Variants in PDE3B observed in about 807,000 individuals in gnomAD.
The protein encoded by PDE3B is phosphodiesterase 3B.
In PDE3B, 66 loss-of-function variants were observed where a neutral mutation model predicts 116.8. The ratio of observed to expected loss-of-function variants is 0.56; its 90% CI spans 0.46 to 0.69. The LOEUF (loss-of-function observed/expected upper bound fraction) is 0.69. PDE3B is among the 30% of genes least tolerant of loss of function. PDE3B has a pLI of 0.00. For missense variants in PDE3B, 1,384 were observed against 1,368.1 expected, an observed-to-expected ratio of 1.01 and a Z score of -0.18; for synonymous variants, 595 against 533.6, an observed-to-expected ratio of 1.12 and a Z score of -1.59.
rs560691021 is a variant in PDE3B at position 14,789,119 on chromosome 11, A to G, written c.1292A>G (p.Asn431Ser). The change falls in exon 4 of 16, where the codon AAT becomes AGT. Residue 431 changes from asparagine (N) to serine (S), a missense_variant. Transcript: ENST00000282096. ...ATTATTCAACAGGGACTAAATAGGAATAGTTTGCCAACTCCACAGCTGAGG... is the reference window on the plus strand; with the variant it reads ...ATTATTCAACAGGGACTAAATAGGAGTAGTTTGCCAACTCCACAGCTGAGG... ...DRKLNKGLNR[N>S]SLPTPQLRRS... 2 of 1,609,054 alleles carry G rather than the reference A, an allele frequency of 1.2e-6. No individual in the cohort carries two copies. Among genetic ancestry groups the G allele is most frequent in the South Asian group, 1.1e-5 (1 of 90,426 alleles).
At chr11:14,855,983 G>T (rs1468417557) in intron 12 of PDE3B, among the ~76,000 whole-genome samples, 1 of 152,182 alleles carries the variant, frequency 6.6e-6, no homozygotes, top group East Asian at 1.9e-4. Flanking sequence ...AGAAATTTTT[G>T]AACTGATACG....
chr11:14,757,384 T>G (rs868465098), intron 1 of PDE3B, among the ~76,000 whole-genome samples: 1 of 150,404 alleles, frequency 6.6e-6, no homozygotes, highest in African/African-American at 2.5e-5. Flanking sequence ...CCACACTGAC[T>G]TCCACAATGG....
At chr11:14,894,451 C>G in the PDE3B span, among the ~76,000 whole-genome samples, 1 of 152,204 alleles carries the variant, frequency 6.6e-6, no homozygotes, top group Non-Finnish European at 1.5e-5. Context: ...AGCTGTTATA[C>G]AGTACAGGTA....
chr11:14,661,631 A>C (rs993164687), intron 1 of PDE3B, among the ~76,000 whole-genome samples: 2 of 152,242 alleles, frequency 1.3e-5, no homozygotes, highest in African/African-American at 4.8e-5. Context: ...GACGGGCTTA[A>C]AAAACGGCGC....
intron 1 of PDE3B, among the ~76,000 whole-genome samples, chr11:14,749,919 T>TATATATATA (rs1391477381): frequency 5.8e-5 from 8 of 138,716 alleles, no homozygotes; most frequent in East Asian, 4.1e-4. Flanking sequence ...TATATGTATC[T>TATATATATA]TTGTGGAAGC....
intron 15 of PDE3B, among the ~76,000 whole-genome samples, chr11:14,868,109 AAC>A: frequency 6.6e-6 from 1 of 152,334 alleles, no homozygotes; most frequent in Non-Finnish European, 1.5e-5. Flanking sequence ...GTTCAGATTC[AAC>A]AGTCATGTTT....
intron 2 of PDE3B, among the ~76,000 whole-genome samples, chr11:14,783,889 C>T (rs1399169182): frequency 6.6e-6 from 1 of 152,196 alleles, no homozygotes; most frequent in Non-Finnish European, 1.5e-5. Flanking sequence ...CCAACCAGTA[C>T]CGGTCTGTGG....
At chr11:14,845,108 C>A (rs1359759342) in intron 12 of PDE3B, among the ~76,000 whole-genome samples, 1 of 151,948 alleles carries the variant, frequency 6.6e-6, no homozygotes, top group Non-Finnish European at 1.5e-5. Context: ...CAGACTGACA[C>A]CTCACACGGC....
chr11:14,894,647 A>G, the PDE3B span, among the ~76,000 whole-genome samples: 1 of 152,158 alleles, frequency 6.6e-6, no homozygotes, highest in Non-Finnish European at 1.5e-5. Context: ...GCACTGATGA[A>G]ATGTTCCCCA....
chr11:14,830,749 A>G lies in PDE3B; in HGVS notation c.1859A>G (p.Gln620Arg). The part of the protein sequence containing the change: ...SKESFKLMET[Q>R]QEEETEKKDS... ...GAATCATTCAAACTTATGGAAACTCAACAAGAAGAGGAAACAGAGAAGAAA... is the reference window on the plus strand; with the variant it reads ...GAATCATTCAAACTTATGGAAACTCGACAAGAAGAGGAAACAGAGAAGAAA... Residue 620 changes from glutamine (Q) to arginine (R), a missense_variant, in exon 8 of 16, where the codon CAA becomes CGA. This residue lies in a region of PDE3B where 956 missense variants were observed against 806.8 expected (regional missense o/e 1.18). Coordinates refer to ENST00000282096, the MANE Select transcript of PDE3B (RefSeq NM_000922.4). The G allele has an allele frequency of 6.6e-7, 1 of 1,514,904 alleles. No homozygotes were observed. The highest frequency in any genetic ancestry group is 1.3e-5 in the South Asian group (1 of 74,898). The allele number at this position is 1,514,904 out of a possible 1,614,324, so 93.8% of individuals were successfully genotyped here. A position where few individuals can be genotyped will look rare whatever the true frequency, so the allele number is the denominator to read the frequency against.
chr11:14,751,850 A>C (rs1449729558), intron 1 of PDE3B, among the ~76,000 whole-genome samples: 1 of 152,118 alleles, frequency 6.6e-6, no homozygotes, highest in Non-Finnish European at 1.5e-5. Flanking sequence ...CCATCCCTTA[A>C]CCTGGGAAAG....
At chr11:14,881,912 T>C in the PDE3B span, among the ~76,000 whole-genome samples, 1 of 152,124 alleles carries the variant, frequency 6.6e-6, no homozygotes, top group East Asian at 1.9e-4. Flanking sequence ...CAATACAAAA[T>C]GGACTAACAC....
chr11:14,698,208 CTTCCA>C (rs904598222), intron 1 of PDE3B, among the ~76,000 whole-genome samples: 2 of 151,546 alleles, frequency 1.3e-5, no homozygotes, highest in African/African-American at 4.8e-5. Context: ...AGGAAGTTCC[CTTCCA>C]TTCCTAGGTT....
chr11:14,847,106 C>G (rs1240535932), intron 12 of PDE3B, among the ~76,000 whole-genome samples: 1 of 152,122 alleles, frequency 6.6e-6, no homozygotes, highest in African/African-American at 2.4e-5. Context: ...CTCTCCTCAG[C>G]AAATGTAAAA....
chr11:14,821,552 T>A (rs1232449053), intron 7 of PDE3B, among the ~76,000 whole-genome samples: 1 of 152,196 alleles, frequency 6.6e-6, no homozygotes, highest in Non-Finnish European at 1.5e-5. Flanking sequence ...TGCAAACAAC[T>A]TTTAGATTAA....
intron 14 of PDE3B, among the ~76,000 whole-genome samples, chr11:14,864,713 G>C (rs576384421): frequency 2.0e-5 from 3 of 152,004 alleles, no homozygotes; most frequent in Non-Finnish European, 4.4e-5. Flanking sequence ...GGTAAATAAC[G>C]AAATTAAGGC....
chr11:14,843,763 A>G (rs904199072), intron 11 of PDE3B, 64 bp from the exon 12 acceptor site: 4 of 1,267,794 alleles, frequency 3.2e-6, no homozygotes, highest in Non-Finnish European at 4.6e-6. Flanking sequence ...AATCCCCTCC[A>G]TAGCAAAATT....
intron 14 of PDE3B, 44 bp downstream of exon 14, chr11:14,861,410 T>G: frequency 6.4e-7 from 1 of 1,566,256 alleles, no homozygotes; most frequent in South Asian, 1.1e-5. Context: ...AGAGCTGTCA[T>G]GAGAAGACAC....
intron 2 of PDE3B, among the ~76,000 whole-genome samples, chr11:14,782,992 G>T (rs1035431915): frequency 4.6e-5 from 7 of 152,222 alleles, no homozygotes; most frequent in Admixed American, 1.3e-4. Flanking sequence ...CATTTATGCA[G>T]CCAACAGACA....
Sources: gnomAD v4.1 joint callset for allele counts (sites outside exome capture counted in the v4.1 genomes callset) on GRCh38, gnomAD v4.1.1 for gene constraint, gnomAD v4.1.1 regional missense constraint, MANE v1.5 for transcripts, NCBI Gene and HGNC (gene_info 2026-07-23, HGNC 2026-07-21) for gene names.